The following STAG1 variants were observed in gnomAD, a reference collection of about 807,000 sequenced individuals.
STAG1 encodes the protein cohesin subunit SA-1.
STAG1 carries 26 observed loss-of-function variants against 170.9 expected under a neutral mutation model. The ratio of observed to expected loss-of-function variants is 0.15; its 90% confidence interval spans 0.11 to 0.21. The LOEUF (loss-of-function observed/expected upper bound fraction) is 0.21, where lower values mean the gene tolerates loss of function less well. Among genes scored for constraint, STAG1 ranks in the 10% least tolerant of loss-of-function variants. STAG1 has a pLI of 1.00. For synonymous variants in STAG1, 514 were observed against 497.7 expected (o/e 1.03, Z -0.44); for missense variants, 964 against 1,509.5 (o/e 0.64, Z 5.99).
At position 136,343,757 on chromosome 3, in the gene STAG1, CAAAT is replaced by C. The variant is rs1227342970; in HGVS notation, c.3446+71_3446+74del. On this transcript the variant is annotated intron_variant, in intron 30 of 33. Transcript: ENST00000383202. ...CTGACCAGCAATATGTTCTGATGAACAAATAAAGTTTTTCTTAAATAGTTTTACT... is the reference window on the plus strand; with the variant it reads ...CTGACCAGCAATATGTTCTGATGAACAAAGTTTTTCTTAAATAGTTTTACT... The C allele has an allele frequency of 3.2e-6, 4 of 1,258,200 alleles. No homozygotes were observed. The African/African-American group carries it at 4.6e-5, about 14-fold the overall frequency. 77.9% of individuals were successfully genotyped at this position (1,258,200 alleles called of 1,614,324 possible).
At chr3:136,611,909 G>A (rs1345012264) in intron 3 of STAG1, among the ~76,000 whole-genome samples, 2 of 151,378 alleles carry the variant, frequency 1.3e-5, no homozygotes, top group Non-Finnish European at 1.5e-5. Flanking sequence ...GTGCAGTGGC[G>A]CGATCTCGGC....
intron 1 of STAG1, among the ~76,000 whole-genome samples, chr3:136,705,866 A>T (rs184131448): frequency 6.6e-6 from 1 of 152,132 alleles, no homozygotes; most frequent in Admixed American, 6.6e-5. Context: ...AAATGGCCAG[A>T]CACAATGGCT....
intron 13 of STAG1, among the ~76,000 whole-genome samples, chr3:136,452,716 T>C (rs2107777801): frequency 1.3e-5 from 2 of 152,288 alleles, no homozygotes; most frequent in Middle Eastern, 3.4e-3. Flanking sequence ...CAATCAATGT[T>C]CAAATATGTG....
rs376462677 is a variant in STAG1 at position 136,611,948 on chromosome 3, C to G, written c.133-7475G>C. On this transcript the variant is annotated intron_variant, in intron 3 of 33. Coordinates refer to ENST00000383202, the MANE Select transcript of STAG1 (RefSeq NM_005862.3). ...CCGCAAGCTCCGCCTCCTGGGTTCA[C>G]GCCATTCTCCTGCCTCAGCCTCCCG... Among the ~76,000 whole-genome samples, 8 of 151,840 alleles carry G rather than the reference C, an allele frequency of 5.3e-5. No homozygotes were observed. In the South Asian group the frequency reaches 1.5e-3, roughly 28 times the overall value.
intron 1 of STAG1, among the ~76,000 whole-genome samples, chr3:136,643,209 T>A (rs529795475): frequency 1.2e-4 from 18 of 152,346 alleles, no homozygotes; most frequent in African/African-American, 4.3e-4. Flanking sequence ...AAATTACTTA[T>A]TCAAGATCAT....
chr3:136,516,713 C>T (rs1224080339), intron 7 of STAG1, among the ~76,000 whole-genome samples: 3 of 152,054 alleles, frequency 2.0e-5, no homozygotes, highest in South Asian at 2.1e-4. Flanking sequence ...TACTATTATC[C>T]GTTTTTCTCA....
At chr3:136,350,281 A>G (rs977964271) in intron 28 of STAG1, among the ~76,000 whole-genome samples, 10 of 152,214 alleles carry the variant, frequency 6.6e-5, no homozygotes, top group Non-Finnish European at 1.5e-4. Flanking sequence ...TAGTCCAGGC[A>G]GGTGGCCAAG....
At chr3:136,440,033 G>GA (rs2088585086) in intron 15 of STAG1, among the ~76,000 whole-genome samples, 1 of 152,168 alleles carries the variant, frequency 6.6e-6, no homozygotes, top group African/African-American at 2.4e-5. Flanking sequence ...CTTCATTACT[G>GA]AAACACTTAG....
At chr3:136,466,379 G>A (rs939746813) in intron 12 of STAG1, among the ~76,000 whole-genome samples, 2 of 152,272 alleles carry the variant, frequency 1.3e-5, no homozygotes, top group East Asian at 1.9e-4. Context: ...TAGCCAATTC[G>A]ATCAACTGGA....
At chr3:136,415,917 G>C (rs978240028) in intron 21 of STAG1, among the ~76,000 whole-genome samples, 1 of 152,068 alleles carries the variant, frequency 6.6e-6, no homozygotes, top group Non-Finnish European at 1.5e-5. Context: ...AAATGAACAA[G>C]AGTACAATCT....
At chr3:136,420,387 T>C (rs577999939) in intron 20 of STAG1, among the ~76,000 whole-genome samples, 3 of 152,224 alleles carry the variant, frequency 2.0e-5, no homozygotes, top group Non-Finnish European at 2.9e-5. Context: ...TTAATTGAGA[T>C]AGGGTCTGCC....
chr3:136,349,319 C>A lies in STAG1; in HGVS notation c.3110G>T (p.Arg1037Met). ...GAGTGGAAGCCATACATCCTCCCTC[C>A]TTTCCATCATCTGCTCGGTAAGGAA... Reference protein sequence around the residue: ...EKFLTEQMMERREDVWLPLIS... With the variant: ...EKFLTEQMMEMREDVWLPLIS... Residue 1037 changes from arginine (R) to methionine (M), a missense_variant, in exon 29 of 34, where the codon AGG becomes ATG. By Grantham distance (91) the Arg-to-Met change is moderately conservative (BLOSUM62 -1). Coordinates refer to ENST00000383202, the MANE Select transcript of STAG1 (RefSeq NM_005862.3). 1.9e-6 allele frequency: 3 copies of A among 1,614,020 alleles called. No homozygotes were observed. In the South Asian group the frequency reaches 3.3e-5, roughly 18 times the overall value.
chr3:136,539,640 T>C (rs1290212871), intron 6 of STAG1, among the ~76,000 whole-genome samples: 1 of 152,248 alleles, frequency 6.6e-6, no homozygotes, highest in Non-Finnish European at 1.5e-5. Flanking sequence ...TTTAGCTTTC[T>C]ACAGCTAGCT....
intron 28 of STAG1, among the ~76,000 whole-genome samples, chr3:136,354,776 A>G (rs919621712): frequency 3.4e-5 from 5 of 148,802 alleles, no homozygotes; most frequent in African/African-American, 1.2e-4. Flanking sequence ...AAACCAAAAA[A>G]CAAAAACAAA....
intron 22 of STAG1, among the ~76,000 whole-genome samples, chr3:136,396,221 T>TG (rs1477647000): frequency 5.5e-5 from 8 of 144,890 alleles, no homozygotes; most frequent in Non-Finnish European, 1.1e-4. Context: ...TTTTTTTTTT[T>TG]TTTTTTTTTT....
intron 2 of STAG1, among the ~76,000 whole-genome samples, chr3:136,627,286 T>C (rs531499621): frequency 6.6e-6 from 1 of 152,184 alleles, no homozygotes; most frequent in South Asian, 2.1e-4. Context: ...ACAGAAAATA[T>C]ATAAGAATAC....
At position 136,531,238 on chromosome 3, in the gene STAG1, A is replaced by G. The variant is rs1022704815; in HGVS notation, c.472-9821T>C. ...CCATCTCACACCAGTTAGAATGGCAATCATTAAAAAGTCAGGAAACAACAG... is the reference window on the plus strand; with the variant it reads ...CCATCTCACACCAGTTAGAATGGCAGTCATTAAAAAGTCAGGAAACAACAG... On this transcript the variant is annotated intron_variant, in intron 6 of 33. Coordinates refer to ENST00000383202, the MANE Select transcript of STAG1 (RefSeq NM_005862.3). Among the ~76,000 whole-genome samples, 27 of 150,372 alleles carry G rather than the reference A, an allele frequency of 1.8e-4. 1 individual carries two copies. Among genetic ancestry groups the G allele is most frequent in the Admixed American group, 1.8e-3 (27 of 15,038 alleles).
At chr3:136,660,344 T>C (rs1941538264) in intron 1 of STAG1, among the ~76,000 whole-genome samples, 2 of 152,334 alleles carry the variant, frequency 1.3e-5, no homozygotes, top group South Asian at 4.1e-4. Context: ...TTTTAACGTA[T>C]GGCCCACAAT....
chr3:136,681,294 ATT>A (rs2107887053), intron 1 of STAG1, among the ~76,000 whole-genome samples: 1 of 152,356 alleles, frequency 6.6e-6, no homozygotes, highest in Admixed American at 6.5e-5. Context: ...ACAAAAAGCA[ATT>A]TACCTATGCC....
Sources: allele counts gnomAD v4.1 joint callset (sites outside exome capture counted in the v4.1 genomes callset), GRCh38; gene constraint gnomAD v4.1.1; transcripts MANE v1.5; gene names NCBI Gene and HGNC (gene_info 2026-07-23, HGNC 2026-07-21).